INO80C: variants seen among roughly 807,000 people sequenced by gnomAD.
INO80C encodes the protein IES6 homolog.
A neutral mutation model predicts 17.7 loss-of-function variants in INO80C; 17 were observed. The ratio of observed to expected loss-of-function variants is 0.96; its 90% confidence interval spans 0.66 to 1.44. The LOEUF is 1.44. INO80C is among the 40% of genes most tolerant of loss of function. INO80C has a pLI of 0.00. For missense variants in INO80C, 244 were observed against 245.0 expected (o/e 1.00, Z 0.03); for synonymous variants, 96 against 95.8 (o/e 1.00, Z -0.01).
At chr18:35,482,815 T>C (rs2045828839) in intron 1 of INO80C, among the ~76,000 whole-genome samples, 1 of 152,038 alleles carries the variant, frequency 6.6e-6, no homozygotes, top group South Asian at 2.1e-4. Context: ...GGTAACTTCC[T>C]GAGCTATATA....
intron 1 of INO80C, among the ~76,000 whole-genome samples, chr18:35,482,200 A>C (rs2045817146): frequency 6.6e-6 from 1 of 152,182 alleles, no homozygotes; most frequent in South Asian, 2.1e-4. Flanking sequence ...CCCTTCAAAA[A>C]AAGAGTTAAG....
At chr18:35,497,627 G>A (rs2045998270) in intron 1 of INO80C, 92 bp downstream of exon 1, 2 of 1,492,812 alleles carry the variant, frequency 1.3e-6, no homozygotes, top group Non-Finnish European at 1.8e-6. Flanking sequence ...CACGCGCAGC[G>A]CCCCACATTA....
Position 35,468,483 on chromosome 18 carries a change from A to C in INO80C, c.*128T>G. 6.7e-7 allele frequency: 1 copy of C among 1,501,896 alleles called. No individual in the cohort carries two copies. The allele number at this position is 1,501,896 out of a possible 1,614,324, so 93.0% of individuals were successfully genotyped here. ...AAAAACCCTTAAATTAAAGCCAAAC[A>C]TTCTTTCCAAGGCACAGCACTGGCA... On this transcript the variant is annotated 3_prime_UTR_variant, in exon 5 of 5. Transcript: ENST00000334598.
rs1398246557 is a variant in INO80C at position 35,497,616 on chromosome 18, G to A, written c.156+103C>T. The A allele has an allele frequency of 1.2e-5, 17 of 1,467,864 alleles. No individual in the cohort carries two copies. In the East Asian group the frequency reaches 4.2e-4, roughly 36 times the overall value. The allele number at this position is 1,467,864 out of a possible 1,614,324, so 90.9% of individuals were successfully genotyped here. The stretch of plus-strand genomic sequence containing the variant: ...GCGTCTTTCAACCCCAACGGAGACC[G>A]CACGCGCAGCGCCCCACATTACGCA... On this transcript the variant is annotated intron_variant, in intron 1 of 4. Transcript: ENST00000334598.
intron 1 of INO80C, among the ~76,000 whole-genome samples, chr18:35,482,881 A>G (rs949141553): frequency 6.6e-6 from 1 of 152,146 alleles, no homozygotes; most frequent in Non-Finnish European, 1.5e-5. Flanking sequence ...GATTCTCTAC[A>G]GCTCAGCCAG....
chr18:35,482,672 T>C (rs1461112030), intron 1 of INO80C, among the ~76,000 whole-genome samples: 2 of 152,196 alleles, frequency 1.3e-5, no homozygotes, highest in African/African-American at 4.8e-5. Flanking sequence ...ATGTCAACTT[T>C]AAGAACTGAG....
chr18:35,494,278 T>C (rs1431563885), intron 1 of INO80C, among the ~76,000 whole-genome samples: 2 of 152,202 alleles, frequency 1.3e-5, no homozygotes, highest in African/African-American at 4.8e-5. Flanking sequence ...ACTCTGCCCC[T>C]GGTGTGCACA....
chr18:35,478,301 G>C lies in INO80C; in HGVS notation c.428C>G (p.Ser143Cys), dbSNP rs1567981310. Residue 143 changes from serine to cysteine, a missense_variant, in exon 4 of 5, where the codon TCT becomes TGT. Ser to Cys is a moderately radical substitution (Grantham distance 112). Coordinates refer to ENST00000334598, the MANE Select transcript of INO80C (RefSeq NM_194281.4). The stretch of plus-strand genomic sequence containing the variant: ...ACTCACAAGCAGACCTGAAACATCA[G>C]AATACTTCTTAGCTGGCTTAAAGGA... ...PPSFKPAKKYSDVSGLLANYT... is the reference protein window; with the variant it reads ...PPSFKPAKKYCDVSGLLANYT... 42 of 1,593,458 alleles carry C rather than the reference G, an allele frequency of 2.6e-5. No individual in the cohort carries two copies. Among genetic ancestry groups the C allele is most frequent in the Non-Finnish European group, 3.6e-5 (42 of 1,170,150 alleles).
chr18:35,477,693 C>T (rs2045753346), intron 4 of INO80C, among the ~76,000 whole-genome samples: 1 of 152,202 alleles, frequency 6.6e-6, no homozygotes. Context: ...GCCCACTTCC[C>T]ACTATTTCAG....
chr18:35,477,743 T>C (rs946150399), intron 4 of INO80C, among the ~76,000 whole-genome samples: 2 of 152,206 alleles, frequency 1.3e-5, no homozygotes, highest in African/African-American at 2.4e-5. Flanking sequence ...CCAGAAGCAC[T>C]TGAGCAGTCA....
chr18:35,490,396 G>A (rs1042098917), intron 1 of INO80C, among the ~76,000 whole-genome samples: 1 of 152,118 alleles, frequency 6.6e-6, no homozygotes, highest in Non-Finnish European at 1.5e-5. Flanking sequence ...CACGTCAAAA[G>A]AAAAACAAAA....
At chr18:35,494,763 C>T (rs1293060680) in intron 1 of INO80C, among the ~76,000 whole-genome samples, 1 of 152,196 alleles carries the variant, frequency 6.6e-6, no homozygotes, top group Non-Finnish European at 1.5e-5. Context: ...GGACTTCTGA[C>T]CTACAGAACC....
chr18:35,475,089 T>C (rs1271248113), intron 4 of INO80C, among the ~76,000 whole-genome samples: 1 of 151,880 alleles, frequency 6.6e-6, no homozygotes, highest in East Asian at 1.9e-4. Context: ...TCAGAGAACA[T>C]CAAGAATACA....
chr18:35,482,321 A>G (rs2045819674), intron 1 of INO80C, among the ~76,000 whole-genome samples: 1 of 152,236 alleles, frequency 6.6e-6, no homozygotes. Context: ...TGGTTCCCTC[A>G]TGCTGATAAG....
intron 4 of INO80C, among the ~76,000 whole-genome samples, chr18:35,475,774 T>G (rs2045728607): frequency 6.6e-6 from 1 of 151,906 alleles, no homozygotes; most frequent in Non-Finnish European, 1.5e-5. Flanking sequence ...GCACAGTAAA[T>G]TGTTCCAGTA....
chr18:35,477,181 CT>C (rs1412806327), intron 4 of INO80C, among the ~76,000 whole-genome samples: 1 of 152,120 alleles, frequency 6.6e-6, no homozygotes, highest in African/African-American at 2.4e-5. Flanking sequence ...GAGGTAGAGG[CT>C]GGAGTGAGCC....
At chr18:35,494,252 C>G (rs1165518317) in intron 1 of INO80C, among the ~76,000 whole-genome samples, 2 of 152,166 alleles carry the variant, frequency 1.3e-5, no homozygotes, top group African/African-American at 2.4e-5. Context: ...CAGTACACCC[C>G]TGCTACCTTG....
At position 35,495,061 on chromosome 18, in the gene INO80C, G is replaced by T. The variant is rs539374511; in HGVS notation, c.156+2658C>A. 3.3e-5 allele frequency among the ~76,000 whole-genome samples: 5 copies of T among 152,338 alleles called. No homozygotes were observed. In the South Asian group the frequency reaches 1.0e-3, roughly 32 times the overall value. On this transcript the variant is annotated intron_variant, in intron 1 of 4. Coordinates refer to ENST00000334598, the MANE Select transcript of INO80C (RefSeq NM_194281.4). ...AGAAGATTCCTGGCAGCCCTCAGGG[G>T]TACTGTGCTTATGCCTGCTTATTTC...
Position 35,474,047 on chromosome 18 carries a change from G to T in INO80C, c.447+4235C>A, listed in dbSNP as rs1216200181. ...ATGCAAAGAAACAGGAAAATGTGAC[G>T]CACAGTTAAGAAAAAAGGCAGTCAA... On this transcript the variant is annotated intron_variant, in intron 4 of 4. Transcript: ENST00000334598. 5.3e-5 allele frequency among the ~76,000 whole-genome samples: 8 copies of T among 151,280 alleles called. No homozygotes were observed. In the East Asian group the frequency reaches 1.5e-3, roughly 29 times the overall value.
Sources: gnomAD v4.1 joint callset for allele counts (sites outside exome capture counted in the v4.1 genomes callset) on GRCh38, gnomAD v4.1.1 for gene constraint, MANE v1.5 for transcripts, NCBI Gene and HGNC (gene_info 2026-07-23, HGNC 2026-07-21) for gene names.